The following MALRD1 variants were observed in gnomAD, a reference collection of about 807,000 sequenced individuals.
The protein encoded by MALRD1 is MAM and LDL-receptor class A domain-containing protein 1.
A neutral mutation model predicts 242.1 loss-of-function variants in MALRD1; 247 were observed. The ratio of observed to expected loss-of-function variants is 1.02; its 90% CI spans 0.92 to 1.13. The LOEUF (loss-of-function observed/expected upper bound fraction) is 1.13, where lower values mean the gene tolerates loss of function less well. Ranked by LOEUF, MALRD1 falls within the 50% of genes most tolerant of loss-of-function variation. The pLI is 0.00. For missense variants in MALRD1, 2,989 were observed against 2,533.1 expected, an observed-to-expected ratio of 1.18 and a Z score of -3.86; for synonymous variants, 995 against 866.6, an observed-to-expected ratio of 1.15 and a Z score of -2.60.
chr10:19,278,515 A>C (rs1840647891), intron 19 of MALRD1, among the ~76,000 whole-genome samples: 1 of 152,090 alleles, frequency 6.6e-6, no homozygotes, highest in African/African-American at 2.4e-5. Context: ...CCATCTATCC[A>C]TCCATTTATT....
At chr10:19,274,842 A>G (rs1840429577) in intron 19 of MALRD1, among the ~76,000 whole-genome samples, 1 of 150,866 alleles carries the variant, frequency 6.6e-6, no homozygotes, top group Non-Finnish European at 1.5e-5. Flanking sequence ...AGGAAGGGGA[A>G]CAAGTGTTTA....
chr10:19,282,233 A>G (rs568017835), intron 20 of MALRD1, among the ~76,000 whole-genome samples: 1 of 152,270 alleles, frequency 6.6e-6, no homozygotes, highest in South Asian at 2.1e-4. Flanking sequence ...TAGATTAACT[A>G]ATACGCCTGA....
At chr10:19,661,830 C>T (rs979025697) in intron 36 of MALRD1, among the ~76,000 whole-genome samples, 1 of 151,916 alleles carries the variant, frequency 6.6e-6, no homozygotes, top group African/African-American at 2.4e-5. Context: ...AAACAAGTGA[C>T]AGATGAAAAT....
At position 19,730,752 on chromosome 10, in the gene MALRD1, G is replaced by A. The variant is rs190089938; in HGVS notation, c.6361G>A (p.Gly2121Arg). 5.2e-5 allele frequency: 80 copies of A among 1,536,590 alleles called. No individual in the cohort carries two copies. Among genetic ancestry groups the A allele is most frequent in the Admixed American group, 2.0e-4 (10 of 50,992 alleles). ...GNCAFVNPVY[G>R]NWSNPEKTES... ...CTGTGCCTTTGTCAATCCAGTTTAC[G>A]GGAACTGGAGCAACCCAGAGAAAAC... Residue 2121 changes from glycine (G) to arginine (R), a missense_variant, in exon 39 of 40, where the codon GGG (glycine) becomes AGG (arginine). Physicochemically the swap from Gly to Arg is moderately radical, Grantham distance 125. Coordinates refer to ENST00000454679, the MANE Select transcript of MALRD1 (RefSeq NM_001142308.3).
At chr10:19,065,151 T>A (rs1362556970) in intron 1 of MALRD1, among the ~76,000 whole-genome samples, 1 of 141,900 alleles carries the variant, frequency 7.0e-6, no homozygotes, top group Non-Finnish European at 1.6e-5. Context: ...GCCAGGCATG[T>A]TGGTGCATGC....
chr10:19,120,520 G>A (rs1837023856), intron 5 of MALRD1, among the ~76,000 whole-genome samples: 1 of 152,092 alleles, frequency 6.6e-6, no homozygotes, highest in African/African-American at 2.4e-5. Flanking sequence ...CTGAGTGAAA[G>A]GAACCAAGCA....
At chr10:19,647,395 G>T (rs1443850819) in intron 36 of MALRD1, among the ~76,000 whole-genome samples, 5 of 152,144 alleles carry the variant, frequency 3.3e-5, no homozygotes, top group Non-Finnish European at 5.9e-5. Context: ...ACCACGCCCA[G>T]TCTCCTTGGG....
At chr10:19,466,722 T>C (rs1241290832) in intron 29 of MALRD1, among the ~76,000 whole-genome samples, 1 of 152,204 alleles carries the variant, frequency 6.6e-6, no homozygotes, top group Admixed American at 6.5e-5. Flanking sequence ...TTTCAGAATT[T>C]GGAGTATTTG....
chr10:19,707,786 T>TAA (rs35967457), intron 38 of MALRD1, among the ~76,000 whole-genome samples: 2 of 60,858 alleles, frequency 3.3e-5, no homozygotes, highest in African/African-American at 4.5e-5. Flanking sequence ...CCATCTGTAC[T>TAA]AAAAAAAAAA....
chr10:19,060,283 C>T (rs1282910571), intron 1 of MALRD1, among the ~76,000 whole-genome samples: 2 of 152,188 alleles, frequency 1.3e-5, no homozygotes, highest in African/African-American at 2.4e-5. Flanking sequence ...ATTGTGGTTC[C>T]TCTGTGCCGG....
intron 36 of MALRD1, among the ~76,000 whole-genome samples, chr10:19,628,442 T>G (rs1271492067): frequency 6.6e-6 from 1 of 152,166 alleles, no homozygotes; most frequent in African/African-American, 2.4e-5. Flanking sequence ...TAACACTTTT[T>G]TAAAATAGAA....
chr10:19,308,603 C>T (rs1609845), intron 21 of MALRD1, among the ~76,000 whole-genome samples: 61,991 of 151,160 alleles, frequency 0.41, 12,774 homozygotes, highest in South Asian at 0.49. Flanking sequence ...TTTATACTTA[C>T]TTGAGATGCT....
intron 31 of MALRD1, among the ~76,000 whole-genome samples, chr10:19,506,706 A>G (rs1833161538): frequency 6.6e-6 from 1 of 152,134 alleles, no homozygotes; most frequent in Non-Finnish European, 1.5e-5. Flanking sequence ...GTTAAATGTA[A>G]TATGCCAGTA....
intron 29 of MALRD1, among the ~76,000 whole-genome samples, chr10:19,468,361 G>T (rs1429472874): frequency 6.6e-6 from 1 of 151,784 alleles, no homozygotes; most frequent in African/African-American, 2.4e-5. Context: ...TCTATACTAA[G>T]TTAAAATTTG....
chr10:19,704,067 C>T (rs1373493275), intron 38 of MALRD1, among the ~76,000 whole-genome samples: 10 of 152,072 alleles, frequency 6.6e-5, no homozygotes, highest in Non-Finnish European at 4.4e-5. Context: ...AGCATTGGGG[C>T]ATATCCTCTT....
chr10:19,313,477 C>T (rs1470255479), intron 21 of MALRD1, among the ~76,000 whole-genome samples: 2 of 150,792 alleles, frequency 1.3e-5, no homozygotes, highest in Admixed American at 1.3e-4. Flanking sequence ...GACTTTTTTC[C>T]CCAAAATAGC....
At chr10:19,584,245 G>C (rs1837280014) in intron 33 of MALRD1, among the ~76,000 whole-genome samples, 1 of 151,944 alleles carries the variant, frequency 6.6e-6, no homozygotes, top group Non-Finnish European at 1.5e-5. Flanking sequence ...TCTGATTTTG[G>C]TTATTTCTTG....
chr10:19,582,566 T>A (rs879804613), intron 33 of MALRD1, among the ~76,000 whole-genome samples: 1,855 of 138,618 alleles, frequency 0.013, 152 homozygotes, highest in Admixed American at 0.12. Context: ...GGCTCTGTTC[T>A]GTTCCATTGA....
chr10:19,689,918 A>C (rs1021549324), intron 36 of MALRD1, among the ~76,000 whole-genome samples: 2 of 152,126 alleles, frequency 1.3e-5, no homozygotes, highest in South Asian at 2.1e-4. Context: ...CATAGATTTC[A>C]CCATATAAGT....
Sources: allele counts gnomAD v4.1 joint callset (sites outside exome capture counted in the v4.1 genomes callset), GRCh38; gene constraint gnomAD v4.1.1; transcripts MANE v1.5; gene names NCBI Gene and HGNC (gene_info 2026-07-23, HGNC 2026-07-21).